PLB1: variants seen among roughly 807,000 people sequenced by gnomAD.
PLB1 encodes the protein phospholipase B1.
A neutral mutation model predicts 227.4 loss-of-function variants in PLB1; 242 were observed. The ratio of observed to expected loss-of-function variants is 1.06; its 90% CI spans 0.96 to 1.18. PLB1 has a LOEUF of 1.18. PLB1 is among the 50% of genes most tolerant of loss of function. The probability of loss-of-function intolerance (pLI) is 0.00; values close to 1 mark genes in which losing one functional copy is unlikely to be tolerated. For missense variants in PLB1, 1,858 were observed against 1,816.3 expected (o/e 1.02, Z -0.42); for synonymous variants, 757 against 682.2 (o/e 1.11, Z -1.71).
In PLB1 at chr2:28,552,965, A is replaced by T. The variant is rs765536561; in HGVS notation, c.1121A>T (p.Asp374Val). 1 of 1,613,674 alleles carries T rather than the reference A, an allele frequency of 6.2e-7. No individual in the cohort carries two copies. The highest frequency in any genetic ancestry group is 2.2e-5 in the East Asian group (1 of 44,856). ...EGAEIRCPDK[D>V]PSDTVPTSVH... ...GCGGAAATCAGATGTCCTGACAAAG[A>T]CCCCTCCGATACGGTTCCCACCTCA... The change falls in exon 17 of 58, where the codon GAC becomes GTC. Residue 374 changes from aspartate (D) to valine (V), a missense_variant. Asp to Val is a radical substitution (Grantham distance 152, BLOSUM62 -3). Coordinates refer to ENST00000327757, the MANE Select transcript of PLB1 (RefSeq NM_153021.5).
chr2:28,637,153 C>T (rs1487135208), intron 56 of PLB1, among the ~76,000 whole-genome samples: 2 of 151,928 alleles, frequency 1.3e-5, no homozygotes, highest in African/African-American at 4.8e-5. Context: ...ATTAGCCAAG[C>T]GTGGTGGCAC....
chr2:28,553,963 C>A (rs1345394711), intron 17 of PLB1, among the ~76,000 whole-genome samples: 4 of 152,174 alleles, frequency 2.6e-5, no homozygotes, highest in Admixed American at 2.6e-4. Flanking sequence ...GGCTGCCCTT[C>A]ACACATGCCG....
At chr2:28,549,052 G>C in intron 15 of PLB1, 121 bp downstream of exon 15, 2 of 831,976 alleles carry the variant, frequency 2.4e-6, no homozygotes, top group Non-Finnish European at 4.0e-6. Context: ...CTGTTCTTCT[G>C]GGCCTGCACA....
chr2:28,559,027 ATATT>A (rs1385728540), intron 17 of PLB1, among the ~76,000 whole-genome samples: 1 of 152,116 alleles, frequency 6.6e-6, no homozygotes, highest in Non-Finnish European at 1.5e-5. Flanking sequence ...ACGCAGCCAA[ATATT>A]TATTTAATTT....
intron 3 of PLB1, 64 bp from the exon 4 acceptor site, chr2:28,519,641 A>G: frequency 7.9e-7 from 1 of 1,260,388 alleles, no homozygotes; most frequent in Non-Finnish European, 1.2e-6. Context: ...CCCATACGGT[A>G]TCCTTGGCCG....
chr2:28,550,132 G>A, intron 16 of PLB1, 48 bp downstream of exon 16: 1 of 1,435,638 alleles, frequency 7.0e-7, no homozygotes, highest in East Asian at 2.3e-5. Context: ...TGAACCAGGG[G>A]CTGTACTTCT....
At chr2:28,543,158 C>A in intron 13 of PLB1, 54 bp from the exon 14 acceptor site, 1 of 1,544,554 alleles carries the variant, frequency 6.5e-7, no homozygotes, top group Non-Finnish European at 8.8e-7. Context: ...TGTAGCAGGT[C>A]CGTTGCATTC....
At position 28,617,724 on chromosome 2, in the gene PLB1, T is replaced by G. The variant is rs775847481; in HGVS notation, c.3196-3T>G. 3.1e-6 allele frequency: 5 copies of G among 1,614,052 alleles called. No homozygotes were observed. The highest frequency in any genetic ancestry group is 1.6e-4 in the Middle Eastern group (1 of 6,062). ...CACTGAATCTTTTCTCCTGTTGATTTAGAACTGGGGCAGTGACTTCCTGTG... is the reference window on the plus strand; with the variant it reads ...CACTGAATCTTTTCTCCTGTTGATTGAGAACTGGGGCAGTGACTTCCTGTG... On this transcript the variant is annotated splice_polypyrimidine_tract_variant and splice_region_variant and intron_variant, in intron 44 of 57. Transcript: ENST00000327757.
intron 55 of PLB1, among the ~76,000 whole-genome samples, chr2:28,632,539 C>T (rs1269212734): frequency 4.6e-5 from 7 of 152,136 alleles, no homozygotes; most frequent in African/African-American, 1.7e-4. Flanking sequence ...CCTGTAATCT[C>T]AGCCTTTGGG....
rs1197851130 is a variant in PLB1, at chr2:28,589,771, G to A, written c.2016+1G>A. 2 of 1,612,268 alleles carry A rather than the reference G, an allele frequency of 1.2e-6. No homozygotes were observed. Among genetic ancestry groups the A allele is most frequent in the Non-Finnish European group, 1.7e-6 (2 of 1,178,718 alleles). On this transcript the variant is annotated splice_donor_variant, in intron 28 of 57. Transcript: ENST00000327757. LOFTEE classifies it high-confidence loss of function. Reference sequence around the variant, plus strand: ...AGCCAGTGCTCTCTGGAACAATATGGTAAGTGGCTGCGGTAGGAAAATGCA... The same window carrying A: ...AGCCAGTGCTCTCTGGAACAATATGATAAGTGGCTGCGGTAGGAAAATGCA...
chr2:28,576,895 T>C (rs1408390225), intron 21 of PLB1, among the ~76,000 whole-genome samples: 1 of 152,172 alleles, frequency 6.6e-6, no homozygotes, highest in Non-Finnish European at 1.5e-5. Context: ...CCTAGTGTAC[T>C]ATGACTCACA....
Position 28,565,330 on chromosome 2 carries a change from T to A in PLB1, c.1257T>A (p.Thr419=). The A allele has an allele frequency of 6.2e-7, 1 of 1,610,976 alleles. No individual in the cohort carries two copies. Among genetic ancestry groups the A allele is most frequent in the Non-Finnish European group, 8.5e-7 (1 of 1,178,898 alleles). Residue 419 remains threonine (T), a synonymous_variant, in exon 19 of 58, where the codon ACT becomes ACA. Coordinates refer to ENST00000327757, the MANE Select transcript of PLB1 (RefSeq NM_153021.5). The part of the protein sequence containing the change: ...STPGNVLDVL[T]QYRGLSWSVG... ...CTGGGAACGTCTTGGACGTCTTGAC[T>A]CAGTACCGAGGCCTGTCCTGGAGGT...
At chr2:28,628,956 A>G in intron 52 of PLB1, 138 bp from the exon 53 acceptor site, 1 of 688,314 alleles carries the variant, frequency 1.5e-6, no homozygotes, top group Non-Finnish European at 2.5e-6. Flanking sequence ...GTGAGATACT[A>G]CAAGTTGCAT....
chr2:28,536,586 A>G (rs894705635), intron 9 of PLB1, among the ~76,000 whole-genome samples: 2 of 152,188 alleles, frequency 1.3e-5, no homozygotes, highest in African/African-American at 4.8e-5. Flanking sequence ...TTAAATCCCA[A>G]TAAAATAATT....
chr2:28,515,334 T>C (rs1408839224), intron 1 of PLB1, among the ~76,000 whole-genome samples: 1 of 152,204 alleles, frequency 6.6e-6, no homozygotes, highest in Non-Finnish European at 1.5e-5. Flanking sequence ...AGCTACCATC[T>C]GTCTGTGCAG....
intron 21 of PLB1, among the ~76,000 whole-genome samples, chr2:28,575,021 A>G (rs1678694570): frequency 6.6e-6 from 1 of 152,144 alleles, no homozygotes; most frequent in South Asian, 2.1e-4. Flanking sequence ...TTTTCCTTTG[A>G]GTAGATACCC....
At chr2:28,511,962 T>TG (rs1462914993) in intron 1 of PLB1, among the ~76,000 whole-genome samples, 4 of 150,668 alleles carry the variant, frequency 2.7e-5, no homozygotes, top group Non-Finnish European at 5.9e-5. Context: ...CTTTTTTTTT[T>TG]TTTTTTTTAG....
intron 20 of PLB1, among the ~76,000 whole-genome samples, chr2:28,568,028 C>A (rs957811350): frequency 1.3e-5 from 2 of 152,156 alleles, no homozygotes; most frequent in Non-Finnish European, 2.9e-5. Flanking sequence ...ATGAGGGGGA[C>A]ATCATAGCTT....
intron 6 of PLB1, 26 bp from the exon 7 acceptor site, chr2:28,529,291 G>A (rs1163616709): frequency 6.5e-7 from 1 of 1,545,684 alleles, no homozygotes; most frequent in Non-Finnish European, 8.9e-7. Flanking sequence ...GTGAAGGCCA[G>A]GGCCTCAAAC....
Sources: allele counts gnomAD v4.1 joint callset (sites outside exome capture counted in the v4.1 genomes callset), GRCh38; gene constraint gnomAD v4.1.1; transcripts MANE v1.5; gene names NCBI Gene and HGNC (gene_info 2026-07-23, HGNC 2026-07-21).